Variants in AVPI1 observed in about 807,000 individuals in gnomAD.
AVPI1 encodes arginine vasopressin induced 1.
In AVPI1, 9 loss-of-function variants were observed where a neutral mutation model predicts 11.9. The observed-to-expected ratio is 0.76, with a 90% CI of 0.46 to 1.32. The LOEUF (loss-of-function observed/expected upper bound fraction) is 1.32. Ranked by LOEUF, AVPI1 falls within the 40% of genes most tolerant of loss-of-function variation. AVPI1 has a pLI of 0.00. For missense variants in AVPI1, 207 were observed against 195.8 expected (o/e 1.06, Z -0.34); for synonymous variants, 68 against 78.1 (o/e 0.87, Z 0.68).
rs1036984423 is a variant in AVPI1, at chr10:97,677,800, C to G, written c.*69G>C. On this transcript the variant is annotated 3_prime_UTR_variant, in exon 3 of 3. Coordinates refer to ENST00000370626, the MANE Select transcript of AVPI1 (RefSeq NM_021732.3). ...CCTTTGGGCTGCTTGCCTAAAGTCT[C>G]TCTTCCTTCACCTCCCCAGGCCTTT... 21 of 1,582,556 alleles carry G rather than the reference C, an allele frequency of 1.3e-5. No homozygotes were observed. The highest frequency in any genetic ancestry group is 1.5e-5 in the Non-Finnish European group (17 of 1,161,548).
At chr10:97,680,837 G>A (rs1285205479) in intron 1 of AVPI1, among the ~76,000 whole-genome samples, 1 of 152,174 alleles carries the variant, frequency 6.6e-6, no homozygotes, top group Non-Finnish European at 1.5e-5. Flanking sequence ...AGCAAGAGGT[G>A]GAGGCAGAAG....
At chr10:97,682,927 C>G (rs1346294459) in intron 1 of AVPI1, among the ~76,000 whole-genome samples, 1 of 152,190 alleles carries the variant, frequency 6.6e-6, no homozygotes, top group African/African-American at 2.4e-5. Flanking sequence ...GACAAGAAGA[C>G]AACAGTCGCC....
chr10:97,677,812 C>T lies in AVPI1; in HGVS notation c.*57G>A, dbSNP rs2041673469. ...TTGCCTAAAGTCTCTCTTCCTTCACCTCCCCAGGCCTTTTGGCAAGAGGGA... is the reference window on the plus strand; with the variant it reads ...TTGCCTAAAGTCTCTCTTCCTTCACTTCCCCAGGCCTTTTGGCAAGAGGGA... On this transcript the variant is annotated 3_prime_UTR_variant, in exon 3 of 3. Transcript: ENST00000370626. The T allele has an allele frequency of 6.3e-7, 1 of 1,594,588 alleles. No homozygotes were observed. The highest frequency in any genetic ancestry group is 1.3e-5 in the African/African-American group (1 of 74,550).
At position 97,679,476 on chromosome 10, in the gene AVPI1, C is replaced by T. The variant is rs942151744; in HGVS notation, c.287+143G>A. The stretch of plus-strand genomic sequence containing the variant: ...CTCTTAAGTGCCAACCAAGTGGTGA[C>T]ACTGTGTAGACCTTATAACCACCCC... On this transcript the variant is annotated intron_variant, in intron 2 of 2. Coordinates refer to ENST00000370626, the MANE Select transcript of AVPI1 (RefSeq NM_021732.3). 5.8e-6 allele frequency: 6 copies of T among 1,027,228 alleles called. No individual in the cohort carries two copies. The African/African-American group carries it at 6.5e-5, about 11-fold the overall frequency. 63.6% of individuals were successfully genotyped at this position (1,027,228 alleles called of 1,614,324 possible).
At position 97,679,889 on chromosome 10, in the gene AVPI1, G is replaced by T; in HGVS notation, c.17C>A (p.Ser6Ter). Residue 6 changes from serine (S) to a stop codon, truncating the protein, a stop_gained, in exon 2 of 3, where the codon TCG (serine) becomes TAG (stop). Transcript: ENST00000370626. LOFTEE classifies it high-confidence loss of function. The part of the protein sequence containing the change: MGTPA[S>*]VVSEPPPWQA... ...CCAAGGGGGTGGCTCACTGACCACC[G>T]AGGCTGGGGTACCCATTGTGGATGC... 1 of 1,582,712 alleles carries T rather than the reference G, an allele frequency of 6.3e-7. No homozygotes were observed. Among genetic ancestry groups the T allele is most frequent in the Middle Eastern group, 1.7e-4 (1 of 6,024 alleles).
chr10:97,681,438 C>G (rs758211247), intron 1 of AVPI1, among the ~76,000 whole-genome samples: 14 of 151,670 alleles, frequency 9.2e-5, no homozygotes, highest in Non-Finnish European at 1.8e-4. Context: ...CAAAAGTAGC[C>G]GGGCGTGGTG....
chr10:97,678,930 T>TTCA, intron 2 of AVPI1, among the ~76,000 whole-genome samples: 1 of 20,408 alleles, frequency 4.9e-5, no homozygotes, highest in African/African-American at 1.7e-4. Flanking sequence ...TGTGTGTGTG[T>TTCA]GTGTGTGTGT....
At position 97,679,619 on chromosome 10, in the gene AVPI1, C is replaced by T. The variant is rs766152862; in HGVS notation, c.287G>A (p.Arg96Lys). Residue 96 changes from arginine to lysine, a missense_variant and splice_region_variant, in exon 2 of 3, where the codon AGA becomes AAA. Physicochemically the swap from Arg to Lys is conservative, Grantham distance 26. Transcript: ENST00000370626. ...CAGCCATCCGGTTCTAGGAACCTAC[C>T]TGAGGCGGCTGCAGTGGTGTAGCGA... Reference protein sequence around the residue: ...GHSLHHCSRLRILEPHSALAN... With the variant: ...GHSLHHCSRLKILEPHSALAN... 1 of 1,608,146 alleles carries T rather than the reference C, an allele frequency of 6.2e-7. No individual in the cohort carries two copies. The highest frequency in any genetic ancestry group is 1.1e-5 in the South Asian group (1 of 90,310).
At chr10:97,686,230 A>G (rs748883515) in intron 1 of AVPI1, among the ~76,000 whole-genome samples, 1 of 152,258 alleles carries the variant, frequency 6.6e-6, no homozygotes, top group Non-Finnish European at 1.5e-5. Context: ...TACCACAGAC[A>G]TTCTATGCAT....
In AVPI1 at chr10:97,678,958, T is replaced by TCGCC. The variant is rs1564779945; in HGVS notation, c.287+660_287+661insGGCG. Among the ~76,000 whole-genome samples the TCGCC allele has an allele frequency of 2.3e-3, 138 of 60,344 alleles. 12 individuals carry two copies. Among genetic ancestry groups the TCGCC allele is most frequent in the South Asian group, 5.5e-3 (10 of 1,816 alleles). 39.6% of individuals were successfully genotyped at this position (60,344 alleles called of 152,430 possible). A position where few individuals can be genotyped will look rare whatever the true frequency, so the allele number is the denominator to read the frequency against. The stretch of plus-strand genomic sequence containing the variant: ...GTGTGTGTGTGTGTGTGTGTGTGTG[T>TCGCC]GTGTGTGTGTGTGTGTGTGTGTGTG... On this transcript the variant is annotated intron_variant, in intron 2 of 2. Transcript: ENST00000370626.
intron 1 of AVPI1, among the ~76,000 whole-genome samples, chr10:97,684,705 G>T (rs1476183066): frequency 6.6e-6 from 1 of 151,942 alleles, no homozygotes; most frequent in Non-Finnish European, 1.5e-5. Flanking sequence ...TCACCATGTT[G>T]GCCAGGCTGG....
intron 1 of AVPI1, among the ~76,000 whole-genome samples, chr10:97,682,686 C>T (rs1564781148): frequency 6.6e-6 from 1 of 152,178 alleles, no homozygotes; most frequent in African/African-American, 2.4e-5. Context: ...CACTCTGTCC[C>T]AGTTTCCAGG....
At position 97,679,673 on chromosome 10, in the gene AVPI1, C is replaced by T. The variant is rs2041692402; in HGVS notation, c.233G>A (p.Arg78Lys). 1 of 1,614,042 alleles carries T rather than the reference C, an allele frequency of 6.2e-7. No individual in the cohort carries two copies. Reference sequence around the variant, plus strand: ...GCCCAGGGGTTTCTGCCTTGGGGGCCTCTTCCTGCGCAGCCTCTTGAGGGC... The same window carrying T: ...GCCCAGGGGTTTCTGCCTTGGGGGCTTCTTCCTGCGCAGCCTCTTGAGGGC... The part of the protein sequence containing the change: ...AEALKRLRRK[R>K]PPRQKPLGHS... The change falls in exon 2 of 3, where the codon AGG (arginine) becomes AAG (lysine). Residue 78 changes from arginine (R) to lysine (K), a missense_variant. Coordinates refer to ENST00000370626, the MANE Select transcript of AVPI1 (RefSeq NM_021732.3).
intron 1 of AVPI1, among the ~76,000 whole-genome samples, chr10:97,683,396 T>A (rs1391606645): frequency 1.3e-5 from 2 of 152,210 alleles, no homozygotes; most frequent in African/African-American, 4.8e-5. Flanking sequence ...TGACCTCAGG[T>A]GATCCACCCG....
Position 97,678,969 on chromosome 10 carries a change from G to C in AVPI1, c.287+650C>G, listed in dbSNP as rs1209482011. On this transcript the variant is annotated intron_variant, in intron 2 of 2. Transcript: ENST00000370626. ...TGTGTGTGTGTGTGTGTGTGTGTGT[G>C]TGTGTGTGTGTGTGTGTGTGTGTGT... 3.1e-5 allele frequency among the ~76,000 whole-genome samples: 3 copies of C among 95,368 alleles called. 1 individual carries two copies. In the East Asian group the frequency reaches 8.3e-4, roughly 26 times the overall value. 62.6% of individuals were successfully genotyped at this position (95,368 alleles called of 152,430 possible). A position where few individuals can be genotyped will look rare whatever the true frequency, so the allele number is the denominator to read the frequency against.
intron 1 of AVPI1, among the ~76,000 whole-genome samples, chr10:97,681,770 C>T (rs577050002): frequency 4.0e-5 from 6 of 148,344 alleles, no homozygotes; most frequent in South Asian, 2.1e-4. Flanking sequence ...CCCAGCTACT[C>T]GGGAGGCTGA....
chr10:97,683,843 C>A (rs1394746131), intron 1 of AVPI1, among the ~76,000 whole-genome samples: 2 of 152,244 alleles, frequency 1.3e-5, no homozygotes, highest in Admixed American at 6.5e-5. Context: ...AAACCTCAGG[C>A]AATTCACATC....
intron 1 of AVPI1, among the ~76,000 whole-genome samples, chr10:97,685,491 G>C (rs2041724316): frequency 6.6e-6 from 1 of 152,196 alleles, no homozygotes; most frequent in Non-Finnish European, 1.5e-5. Flanking sequence ...GGGTGAGCTG[G>C]CAACTCCTAG....
At position 97,678,971 on chromosome 10, in the gene AVPI1, G is replaced by C. The variant is rs1490900634; in HGVS notation, c.287+648C>G. On this transcript the variant is annotated intron_variant, in intron 2 of 2. Coordinates refer to ENST00000370626, the MANE Select transcript of AVPI1 (RefSeq NM_021732.3). ...TGTGTGTGTGTGTGTGTGTGTGTGTGTGTGTGTGTGTGTGTGTGTGTGTGT... is the reference window on the plus strand; with the variant it reads ...TGTGTGTGTGTGTGTGTGTGTGTGTCTGTGTGTGTGTGTGTGTGTGTGTGT... 3.0e-5 allele frequency among the ~76,000 whole-genome samples: 3 copies of C among 100,400 alleles called. 1 individual carries two copies. The highest frequency in any genetic ancestry group is 7.0e-4 in the South Asian group (2 of 2,854). The allele number at this position is 100,400 out of a possible 152,430, so 65.9% of individuals were successfully genotyped here.
Sources: gnomAD v4.1 joint callset for allele counts (sites outside exome capture counted in the v4.1 genomes callset) on GRCh38, gnomAD v4.1.1 for gene constraint, MANE v1.5 for transcripts, NCBI Gene and HGNC (gene_info 2026-07-23, HGNC 2026-07-21) for gene names.